Variants in IQCM observed in about 807,000 individuals in gnomAD.
IQCM encodes IQ domain-containing protein M.
In IQCM, 45 loss-of-function variants were observed where a neutral mutation model predicts 57.6. The ratio of observed to expected loss-of-function variants is 0.78; its 90% CI spans 0.62 to 1.00. The LOEUF is 1.00. Ranked by LOEUF, IQCM falls within the 50% of genes least tolerant of loss-of-function variation. The pLI is 0.00. For missense variants in IQCM, 468 were observed against 511.6 expected (o/e 0.91, Z 0.82); for synonymous variants, 148 against 158.9 (o/e 0.93, Z 0.51).
intron 8 of IQCM, among the ~76,000 whole-genome samples, chr4:149,595,357 G>T (rs950322055): frequency 6.6e-6 from 1 of 151,644 alleles, no homozygotes; most frequent in Middle Eastern, 3.4e-3. Context: ...GGATTTTCTC[G>T]GTTTTAAACA....
intron 5 of IQCM, among the ~76,000 whole-genome samples, chr4:149,719,320 G>A (rs561211304): frequency 6.6e-6 from 1 of 150,490 alleles, no homozygotes; most frequent in South Asian, 2.1e-4. Flanking sequence ...CTCTAGCCTG[G>A]GCAACAGGAA....
chr4:149,559,575 C>T (rs758608660), intron 10 of IQCM, among the ~76,000 whole-genome samples: 4 of 152,184 alleles, frequency 2.6e-5, no homozygotes, highest in Admixed American at 1.3e-4. Context: ...TCTAAATGCT[C>T]TGATGATACC....
intron 2 of IQCM, among the ~76,000 whole-genome samples, chr4:149,767,671 T>C (rs529331856): frequency 6.6e-6 from 1 of 152,064 alleles, no homozygotes; most frequent in African/African-American, 2.4e-5. Context: ...TCACTGATTA[T>C]GTTGGTGAGT....
intron 13 of IQCM, among the ~76,000 whole-genome samples, chr4:149,387,915 T>C (rs985744619): frequency 2.6e-5 from 4 of 152,174 alleles, no homozygotes; most frequent in Non-Finnish European, 4.4e-5. Context: ...ATTCTGAATA[T>C]CTCACATAAA....
chr4:149,489,127 T>C (rs1351812805), intron 12 of IQCM, among the ~76,000 whole-genome samples: 1 of 152,072 alleles, frequency 6.6e-6, no homozygotes, highest in Non-Finnish European at 1.5e-5. Flanking sequence ...CAACATCAAA[T>C]AGGCATAGTA....
intron 11 of IQCM, among the ~76,000 whole-genome samples, chr4:149,549,224 G>A (rs1356050527): frequency 6.6e-6 from 1 of 152,192 alleles, no homozygotes; most frequent in Non-Finnish European, 1.5e-5. Context: ...TAATGAGCAA[G>A]AAAATTGATG....
chr4:149,477,457 T>C (rs1006852764), intron 12 of IQCM, among the ~76,000 whole-genome samples: 1 of 152,062 alleles, frequency 6.6e-6, no homozygotes, highest in Non-Finnish European at 1.5e-5. Context: ...GAGGTGAATA[T>C]TTAGAGTATT....
At chr4:149,679,084 T>C (rs1443757428) in intron 7 of IQCM, among the ~76,000 whole-genome samples, 4 of 151,736 alleles carry the variant, frequency 2.6e-5, no homozygotes, top group Non-Finnish European at 5.9e-5. Flanking sequence ...TGCATTCCCA[T>C]GTTTATTGTA....
chr4:149,526,565 A>T (rs1746183485), intron 12 of IQCM, among the ~76,000 whole-genome samples: 1 of 152,100 alleles, frequency 6.6e-6, no homozygotes, highest in Admixed American at 6.6e-5. Context: ...ACACAAATGG[A>T]AATTTAATCT....
At chr4:149,593,353 T>A (rs1357181235) in intron 8 of IQCM, among the ~76,000 whole-genome samples, 3 of 152,120 alleles carry the variant, frequency 2.0e-5, no homozygotes, top group African/African-American at 7.2e-5. Context: ...AAGGAGATTT[T>A]GGGCTGAGAT....
At chr4:149,374,560 C>T (rs578211621) in intron 13 of IQCM, among the ~76,000 whole-genome samples, 16 of 152,246 alleles carry the variant, frequency 1.1e-4, no homozygotes, top group African/African-American at 3.9e-4. Flanking sequence ...AAAATGATAA[C>T]ATTCCAGCTT....
At chr4:149,664,584 G>T (rs1760521056) in intron 7 of IQCM, among the ~76,000 whole-genome samples, 1 of 152,072 alleles carries the variant, frequency 6.6e-6, no homozygotes, top group South Asian at 2.1e-4. Context: ...GTCTGTGATT[G>T]TCTCAATGGC....
At chr4:149,554,429 G>A (rs1292220945) in intron 10 of IQCM, among the ~76,000 whole-genome samples, 2 of 151,550 alleles carry the variant, frequency 1.3e-5, no homozygotes, top group Non-Finnish European at 2.9e-5. Context: ...CGATTCTCAT[G>A]TCTCAGCCCC....
intron 13 of IQCM, among the ~76,000 whole-genome samples, chr4:149,390,594 T>C (rs1386008089): frequency 6.6e-6 from 1 of 151,996 alleles, no homozygotes; most frequent in Admixed American, 6.6e-5. Flanking sequence ...GGTTGAAGAA[T>C]TCCCTTACAT....
At chr4:149,750,734 G>A (rs1376803362) in intron 2 of IQCM, among the ~76,000 whole-genome samples, 2 of 152,126 alleles carry the variant, frequency 1.3e-5, no homozygotes, top group African/African-American at 2.4e-5. Context: ...ACAATAAAGA[G>A]AGAAAATTTA....
chr4:149,621,084 G>GA, intron 8 of IQCM, 45 bp downstream of exon 8: 2 of 925,760 alleles, frequency 2.2e-6, no homozygotes, highest in Non-Finnish European at 2.8e-6. Context: ...TAATTTACTG[G>GA]AAAAATGGCA....
intron 12 of IQCM, among the ~76,000 whole-genome samples, chr4:149,474,642 G>A (rs745981776): frequency 3.7e-4 from 56 of 151,746 alleles, no homozygotes; most frequent in Non-Finnish European, 5.2e-4. Context: ...GCTTGAACTC[G>A]GGAGGCAGAG....
intron 13 of IQCM, among the ~76,000 whole-genome samples, chr4:149,387,224 A>G (rs1731489873): frequency 6.6e-6 from 1 of 152,024 alleles, no homozygotes; most frequent in African/African-American, 2.4e-5. Flanking sequence ...ACATGATGGA[A>G]GGGGCAAACA....
At chr4:149,415,488 A>G (rs987406497) in intron 13 of IQCM, among the ~76,000 whole-genome samples, 3 of 152,166 alleles carry the variant, frequency 2.0e-5, no homozygotes, top group African/African-American at 7.2e-5. Flanking sequence ...ATAAATGGAA[A>G]TATTCACAAG....
Sources: allele counts gnomAD v4.1 joint callset (sites outside exome capture counted in the v4.1 genomes callset), GRCh38; gene constraint gnomAD v4.1.1; transcripts MANE v1.5; gene names NCBI Gene and HGNC (gene_info 2026-07-23, HGNC 2026-07-21).